UIMC1: variants seen among roughly 807,000 people sequenced by gnomAD.
UIMC1 encodes ubiquitin interaction motif containing 1.
Under a neutral mutation model 84.9 loss-of-function variants are expected in UIMC1, and 42 were observed. The observed-to-expected ratio is 0.49, with a 90% CI of 0.39 to 0.64. The LOEUF is 0.64. UIMC1 is among the 30% of genes least tolerant of loss of function. The pLI, the probability that UIMC1 is intolerant of heterozygous loss-of-function variation, is 0.00. For missense variants in UIMC1, 825 were observed against 847.6 expected (o/e 0.97, Z 0.33); for synonymous variants, 281 against 293.0 (o/e 0.96, Z 0.42).
At chr5:176,955,722 T>G (rs1298762553) in intron 8 of UIMC1, among the ~76,000 whole-genome samples, 1 of 152,056 alleles carries the variant, frequency 6.6e-6, no homozygotes, top group Non-Finnish European at 1.5e-5. Flanking sequence ...ACAAAAAAAG[T>G]CATGTTAATT....
chr5:176,984,048 G>A (rs1209594565), intron 1 of UIMC1, among the ~76,000 whole-genome samples: 9 of 108,974 alleles, frequency 8.3e-5, no homozygotes, highest in East Asian at 6.2e-4. Flanking sequence ...CCCCGTCTGG[G>A]AAGTGAGGAG....
intron 1 of UIMC1, among the ~76,000 whole-genome samples, chr5:177,019,352 C>G (rs781320598): frequency 6.6e-6 from 1 of 152,138 alleles, no homozygotes; most frequent in Non-Finnish European, 1.5e-5. Flanking sequence ...AAGCACTGCC[C>G]TGGGCTGGGT....
In UIMC1 at chr5:176,968,891, G is replaced by C; in HGVS notation, c.864C>G (p.Asp288Glu). The C allele has an allele frequency of 6.2e-7, 1 of 1,614,048 alleles. No individual in the cohort carries two copies. Among genetic ancestry groups the C allele is most frequent in the Non-Finnish European group, 8.5e-7 (1 of 1,179,978 alleles). ...GAATGACCTTGGTATACTGGTTAGG[G>C]TCTACTCCATCAGGGCAGAATGGAA... ...WGIPFCPDGV[D>E]PNQYTKVILC... is the part of the protein sequence containing the mutation. Residue 288 changes from aspartate (D) to glutamate (E), a missense_variant, in exon 6 of 15, where the codon GAC becomes GAG. Coordinates refer to ENST00000511320, the MANE Select transcript of UIMC1 (RefSeq NM_001199298.2).
intron 1 of UIMC1, among the ~76,000 whole-genome samples, chr5:177,014,057 C>CTTTTTTTTTTT (rs34686520): frequency 8.2e-6 from 1 of 122,130 alleles, no homozygotes; most frequent in Non-Finnish European, 1.8e-5. Flanking sequence ...TTTTTCTTTT[C>CTTTTTTTTTTT]TTTTTTTTTT....
chr5:176,951,400 G>T, intron 9 of UIMC1, 74 bp downstream of exon 9: 2 of 1,166,994 alleles, frequency 1.7e-6, no homozygotes, highest in Non-Finnish European at 2.3e-6. Context: ...TTCAGCCAAT[G>T]TCAACGTTGC....
chr5:176,982,261 G>A (rs554817342), intron 2 of UIMC1, among the ~76,000 whole-genome samples: 12 of 152,268 alleles, frequency 7.9e-5, no homozygotes, highest in Admixed American at 5.2e-4. Flanking sequence ...TAAAACTGAA[G>A]AACTATGATC....
intron 1 of UIMC1, among the ~76,000 whole-genome samples, chr5:177,017,663 C>T (rs1357341287): frequency 6.7e-6 from 1 of 150,098 alleles, no homozygotes; most frequent in Non-Finnish European, 1.5e-5. Flanking sequence ...TGAGCCACCA[C>T]GCTGGCCCTT....
chr5:176,963,088 A>G (rs1181047152), intron 6 of UIMC1, among the ~76,000 whole-genome samples: 7 of 19,734 alleles, frequency 3.5e-4, no homozygotes, highest in African/African-American at 7.7e-4. Context: ...TCCCTCCACT[A>G]TTGTCCCATG....
At position 176,951,571 on chromosome 5, in the gene UIMC1, T is replaced by G; in HGVS notation, c.1346A>C (p.Gln449Pro). 1 of 1,571,270 alleles carries G rather than the reference T, an allele frequency of 6.4e-7. No individual in the cohort carries two copies. Among genetic ancestry groups the G allele is most frequent in the Non-Finnish European group, 8.6e-7 (1 of 1,165,052 alleles). Reference sequence around the variant, plus strand: ...GTCAAAAGTTTCAGAGGAACTTAGCTGGGTCTCTGTAATTTAAAAAAGTTA... The same window carrying G: ...GTCAAAAGTTTCAGAGGAACTTAGCGGGGTCTCTGTAATTTAAAAAAGTTA... ...AEEITVCPET[Q>P]LSSSETFDLE... The change falls in exon 9 of 15, where the codon CAG (glutamine) becomes CCG (proline). Residue 449 changes from glutamine to proline, a missense_variant. Coordinates refer to ENST00000511320, the MANE Select transcript of UIMC1 (RefSeq NM_001199298.2).
intron 10 of UIMC1, among the ~76,000 whole-genome samples, chr5:176,926,747 T>A (rs181485470): frequency 5.7e-4 from 87 of 152,136 alleles, no homozygotes; most frequent in African/African-American, 1.9e-3. Context: ...GGTCCATATA[T>A]GTAAAAAATA....
At position 176,982,497 on chromosome 5, in the gene UIMC1, A is replaced by C; in HGVS notation, c.119T>G (p.Phe40Cys). Residue 40 changes from phenylalanine (F) to cysteine (C), a missense_variant, in exon 2 of 15, where the codon TTC becomes TGC. Transcript: ENST00000511320. ...VKRKRRLEDA[F>C]IVISDSDGEE... ...TCCATCACTATCGGATATCACAATG[A>C]ATGCATCCTCAAGTCTACGCTTCCT... 1 of 1,613,900 alleles carries C rather than the reference A, an allele frequency of 6.2e-7. No individual in the cohort carries two copies. Among genetic ancestry groups the C allele is most frequent in the African/African-American group, 1.3e-5 (1 of 75,014 alleles).
At chr5:176,975,764 CA>C (rs1769965551) in intron 2 of UIMC1, among the ~76,000 whole-genome samples, 2 of 152,116 alleles carry the variant, frequency 1.3e-5, no homozygotes, top group Non-Finnish European at 2.9e-5. Flanking sequence ...TAAGCATCAC[CA>C]AAGATCAGAG....
intron 8 of UIMC1, among the ~76,000 whole-genome samples, chr5:176,952,391 A>G (rs2149456202): frequency 6.6e-6 from 1 of 152,368 alleles, no homozygotes; most frequent in South Asian, 2.1e-4. Context: ...ACTCGCTATC[A>G]GTAATATGAA....
chr5:176,941,029 C>T (rs1304638247), intron 10 of UIMC1, among the ~76,000 whole-genome samples: 1 of 152,180 alleles, frequency 6.6e-6, no homozygotes, highest in Admixed American at 6.5e-5. Flanking sequence ...GGAACATATC[C>T]TTGGGAAATA....
intron 10 of UIMC1, among the ~76,000 whole-genome samples, chr5:176,917,654 AG>A (rs1170522071): frequency 2.0e-5 from 3 of 152,244 alleles, no homozygotes; most frequent in Non-Finnish European, 2.9e-5. Flanking sequence ...AATCTTAATT[AG>A]AATTAAATAT....
At chr5:176,905,829 T>A (rs547912839) in intron 14 of UIMC1, 182 bp downstream of exon 14, 2 of 665,260 alleles carry the variant, frequency 3.0e-6, no homozygotes, top group Admixed American at 5.9e-5. Flanking sequence ...AATGAATGAA[T>A]TGAGTTATCC....
Position 176,959,587 on chromosome 5 carries a change from G to A in UIMC1, c.1201-1433C>T, listed in dbSNP as rs866373914. Among the ~76,000 whole-genome samples the A allele has an allele frequency of 1.8e-3, 268 of 151,560 alleles. 2 individuals carry two copies. The highest frequency in any genetic ancestry group is 3.4e-3 in the Middle Eastern group (1 of 294). The stretch of plus-strand genomic sequence containing the variant: ...AAAAATTAGCCGGGCGTAGTGGCAG[G>A]CGCCTGTAGTCCCAGCTACTTGGGA... On this transcript the variant is annotated intron_variant, in intron 6 of 14. Coordinates refer to ENST00000511320, the MANE Select transcript of UIMC1 (RefSeq NM_001199298.2).
At chr5:176,905,856 G>T in intron 14 of UIMC1, 155 bp downstream of exon 14, 1 of 745,824 alleles carries the variant, frequency 1.3e-6, no homozygotes, top group South Asian at 1.8e-5. Context: ...TAGCTAAATG[G>T]GGAGCACAGA....
chr5:176,950,630 G>A (rs191589196), intron 9 of UIMC1, among the ~76,000 whole-genome samples: 1 of 152,024 alleles, frequency 6.6e-6, no homozygotes, highest in African/African-American at 2.4e-5. Context: ...AGCACTTTGG[G>A]AGGCTAAGGT....
Sources: gnomAD v4.1 joint callset for allele counts (sites outside exome capture counted in the v4.1 genomes callset) on GRCh38, gnomAD v4.1.1 for gene constraint, MANE v1.5 for transcripts, NCBI Gene and HGNC (gene_info 2026-07-23, HGNC 2026-07-21) for gene names.